The following ZNF525 variants were observed in gnomAD, a reference collection of about 807,000 sequenced individuals.
ZNF525 encodes zinc finger protein 525.
In ZNF525, 33 loss-of-function variants were observed where a neutral mutation model predicts 37.6. That is an observed-to-expected ratio of 0.88 (90% CI 0.67 to 1.17). ZNF525 has a LOEUF of 1.17. ZNF525 is among the 50% of genes most tolerant of loss of function. ZNF525 has a pLI of 0.00. For missense variants in ZNF525, 449 were observed against 543.1 expected (o/e 0.83, Z 1.72); for synonymous variants, 170 against 182.3 (o/e 0.93, Z 0.54).
chr19:53,376,532 A>C, intron 3 of ZNF525: 1 of 570,156 alleles, frequency 1.8e-6, no homozygotes, highest in Non-Finnish European at 3.1e-6. Flanking sequence ...ATTGTGTTTA[A>C]TTGCTTTTCT....
rs1253228398 is a variant in ZNF525 at position 53,383,134 on chromosome 19, T to C, written c.*1115T>C. ...ACCTTGCACGTCATCATAGAACTCA[T>C]ACTGGAGAGAAACATTACAAGTGTA... On this transcript the variant is annotated 3_prime_UTR_variant, in exon 4 of 4. Coordinates refer to ENST00000474037, the MANE Select transcript of ZNF525 (RefSeq NM_001348156.2). The C allele has an allele frequency of 7.5e-7, 1 of 1,324,588 alleles. No individual in the cohort carries two copies. Among genetic ancestry groups the C allele is most frequent in the East Asian group, 2.7e-5 (1 of 37,474 alleles). The allele number at this position is 1,324,588 out of a possible 1,614,324, so 82.1% of individuals were successfully genotyped here.
intron 1 of ZNF525, among the ~76,000 whole-genome samples, chr19:53,370,316 G>A (rs1200437822): frequency 6.6e-6 from 1 of 150,698 alleles, no homozygotes; most frequent in Non-Finnish European, 1.5e-5. Flanking sequence ...CTACTCGAAA[G>A]GCTGAGGCAG....
At position 53,382,000 on chromosome 19, in the gene ZNF525, A is replaced by G; in HGVS notation, c.1421A>G (p.Lys474Arg). The G allele has an allele frequency of 8.6e-7, 1 of 1,169,576 alleles. No homozygotes were observed. The highest frequency in any genetic ancestry group is 1.3e-5 in the South Asian group (1 of 78,208). 72.4% of individuals were successfully genotyped at this position (1,169,576 alleles called of 1,614,324 possible). A position where few individuals can be genotyped will look rare whatever the true frequency, so the allele number is the denominator to read the frequency against. The change falls in exon 4 of 4, where the codon AAG becomes AGG. Residue 474 changes from lysine to arginine, a missense_variant. Coordinates refer to ENST00000474037, the MANE Select transcript of ZNF525 (RefSeq NM_001348156.2). ...CCTTGCAAGTGTGGAGAATGTGACA[A>G]GGCTTACAGTTTCAAATAAAATCTT... ...EKPCKCGECDKAYSFK is the reference protein window; with the variant it reads ...EKPCKCGECDRAYSFK
chr19:53,384,542 T>C lies in ZNF525; in HGVS notation c.*2523T>C, dbSNP rs2085591913. The C allele has an allele frequency of 6.4e-6, 1 of 157,304 alleles. No individual in the cohort carries two copies. Among genetic ancestry groups the C allele is most frequent in the Non-Finnish European group, 1.4e-5 (1 of 70,680 alleles). The allele number at this position is 157,304 out of a possible 1,614,324, so 9.7% of individuals were successfully genotyped here. The stretch of plus-strand genomic sequence containing the variant: ...TACGTTTATTCCTAAGTATTTCTTA[T>C]TTTAAGTTCTCCAGCAAATGGAAGT... On this transcript the variant is annotated 3_prime_UTR_variant, in exon 4 of 4. Coordinates refer to ENST00000474037, the MANE Select transcript of ZNF525 (RefSeq NM_001348156.2).
intron 3 of ZNF525, among the ~76,000 whole-genome samples, chr19:53,379,194 C>G (rs565859753): frequency 5.3e-5 from 8 of 152,276 alleles, no homozygotes; most frequent in Admixed American, 4.6e-4. Context: ...TGGCTCACCA[C>G]AAACTCTACC....
At chr19:53,366,797 CA>C (rs60081216) in intron 1 of ZNF525, among the ~76,000 whole-genome samples, 3,127 of 118,386 alleles carry the variant, frequency 0.026, 58 homozygotes, top group East Asian at 0.1. Flanking sequence ...AGAGTGGGGA[CA>C]GGGGGTATAA....
At chr19:53,366,617 G>C (rs529632320) in intron 1 of ZNF525, among the ~76,000 whole-genome samples, 110 of 151,684 alleles carry the variant, frequency 7.3e-4, no homozygotes, top group Non-Finnish European at 6.0e-4. Flanking sequence ...TGTACAGAGA[G>C]ATGAAGGACA....
Position 53,385,175 on chromosome 19 carries a change from C to T in ZNF525, c.*3156C>T. On this transcript the variant is annotated 3_prime_UTR_variant, in exon 4 of 4. Transcript: ENST00000474037. ...TCCTCTTGAATACAGTTTTCTAGGACAAGGGATCTTCAAGAAGTTCTGGAA... is the reference window on the plus strand; with the variant it reads ...TCCTCTTGAATACAGTTTTCTAGGATAAGGGATCTTCAAGAAGTTCTGGAA... 8.1e-6 allele frequency: 4 copies of T among 496,560 alleles called. No individual in the cohort carries two copies. 30.8% of individuals were successfully genotyped at this position (496,560 alleles called of 1,614,324 possible).
At chr19:53,372,524 C>T in intron 2 of ZNF525, 1 of 914,928 alleles carries the variant, frequency 1.1e-6, no homozygotes. Context: ...GGGCTCACAA[C>T]CAGACATGGA....
At position 53,382,774 on chromosome 19, in the gene ZNF525, C is replaced by A; in HGVS notation, c.*755C>A. On this transcript the variant is annotated 3_prime_UTR_variant, in exon 4 of 4. Transcript: ENST00000474037. The stretch of plus-strand genomic sequence containing the variant: ...ACAAATTTTTCAGACATCGTTCATA[C>A]CTTGCAGTTCACGGGCGAACTCATG... 6 of 990,126 alleles carry A rather than the reference C, an allele frequency of 6.1e-6. No individual in the cohort carries two copies. Among genetic ancestry groups the A allele is most frequent in the South Asian group, 1.3e-5 (1 of 75,662 alleles). 61.3% of individuals were successfully genotyped at this position (990,126 alleles called of 1,614,324 possible). A position where few individuals can be genotyped will look rare whatever the true frequency, so the allele number is the denominator to read the frequency against.
chr19:53,376,543 G>C, intron 3 of ZNF525: 1 of 559,912 alleles, frequency 1.8e-6, no homozygotes, highest in East Asian at 3.0e-5. Context: ...TTGCTTTTCT[G>C]TGTAGACACG....
In ZNF525 at chr19:53,384,054, CA is replaced by C. The variant is rs2085587856; in HGVS notation, c.*2036del. ...GCAGAATATCAGAAAATTCATTTTT[CA>C]GGTAATTGTTCCCAATGCAATGAAT... is the stretch of plus-strand genomic sequence containing the variant. On this transcript the variant is annotated 3_prime_UTR_variant, in exon 4 of 4. Coordinates refer to ENST00000474037, the MANE Select transcript of ZNF525 (RefSeq NM_001348156.2). 3 of 540,736 alleles carry C rather than the reference CA, an allele frequency of 5.5e-6. No homozygotes were observed. Among genetic ancestry groups the C allele is most frequent in the Non-Finnish European group, 1.1e-5 (3 of 281,226 alleles). The allele number at this position is 540,736 out of a possible 1,614,324, so 33.5% of individuals were successfully genotyped here.
chr19:53,377,051 G>A (rs1009019336), intron 3 of ZNF525, among the ~76,000 whole-genome samples: 5 of 152,168 alleles, frequency 3.3e-5, no homozygotes, highest in Non-Finnish European at 5.9e-5. Flanking sequence ...TTCTGTGTAT[G>A]CTGCATTTTC....
chr19:53,375,929 T>C (rs767116513), intron 3 of ZNF525, 33 bp downstream of exon 3: 5 of 1,612,354 alleles, frequency 3.1e-6, no homozygotes, highest in Non-Finnish European at 4.2e-6. Flanking sequence ...AGTGGGGATG[T>C]GTCCTTTCGT....
chr19:53,366,939 A>ATT (rs57481281), intron 1 of ZNF525, among the ~76,000 whole-genome samples: 29,316 of 151,960 alleles, frequency 0.19, 2,850 homozygotes, highest in Middle Eastern at 0.27. Flanking sequence ...GGCTCAGCAG[A>ATT]TTTACATCTA....
chr19:53,380,630 C>G (rs1259903993), intron 3 of ZNF525, 92 bp from the exon 4 acceptor site: 33 of 661,524 alleles, frequency 5.0e-5, no homozygotes, highest in Non-Finnish European at 6.6e-5. Flanking sequence ...AAGAATCTTA[C>G]GATTTTGTGT....
chr19:53,368,193 C>T (rs985642555), intron 1 of ZNF525, among the ~76,000 whole-genome samples: 1 of 152,136 alleles, frequency 6.6e-6, no homozygotes, highest in Non-Finnish European at 1.5e-5. Flanking sequence ...CTGTGGCACA[C>T]AGTTCTAATA....
At chr19:53,380,597 A>G in intron 3 of ZNF525, 125 bp from the exon 4 acceptor site, 2 of 567,416 alleles carry the variant, frequency 3.5e-6, no homozygotes, top group South Asian at 3.0e-5. Flanking sequence ...TTTGAAGCAC[A>G]TGTAATCGCC....
intron 1 of ZNF525, among the ~76,000 whole-genome samples, chr19:53,371,474 C>T (rs750957023): frequency 4.6e-5 from 7 of 152,076 alleles, no homozygotes; most frequent in African/African-American, 7.2e-5. Flanking sequence ...AGGGTTCAAG[C>T]GATTCTCCTG....
Sources: allele counts gnomAD v4.1 joint callset (sites outside exome capture counted in the v4.1 genomes callset), GRCh38; gene constraint gnomAD v4.1.1; transcripts MANE v1.5; gene names NCBI Gene and HGNC (gene_info 2026-07-23, HGNC 2026-07-21).